SNX8: variants seen among roughly 807,000 people sequenced by gnomAD.
SNX8 encodes the protein sorting nexin 8.
In SNX8, 25 loss-of-function variants were observed where a neutral mutation model predicts 51.6. The ratio of observed to expected loss-of-function variants is 0.48; its 90% CI spans 0.35 to 0.68. The LOEUF (loss-of-function observed/expected upper bound fraction) is 0.68. Ranked by LOEUF, SNX8 falls within the 30% of genes least tolerant of loss-of-function variation. SNX8 has a pLI of 0.00. For missense variants in SNX8, 695 were observed against 624.0 expected (o/e 1.11, Z -1.21); for synonymous variants, 324 against 277.0 (o/e 1.17, Z -1.68).
intron 5 of SNX8, among the ~76,000 whole-genome samples, chr7:2,266,385 C>T (rs890556192): frequency 2.0e-5 from 3 of 150,636 alleles, no homozygotes; most frequent in South Asian, 2.1e-4. Context: ...GTGTCTCTGT[C>T]GTCCAGGCTG....
chr7:2,329,069 G>C (rs1583115856), intron 1 of SNX8, among the ~76,000 whole-genome samples: 1 of 150,060 alleles, frequency 6.7e-6, no homozygotes, highest in South Asian at 2.1e-4. Context: ...CTGGGTGACA[G>C]AGTGAGACTC....
chr7:2,320,066 T>C (rs1331713553), intron 1 of SNX8, among the ~76,000 whole-genome samples: 3 of 152,140 alleles, frequency 2.0e-5, no homozygotes, highest in African/African-American at 4.8e-5. Flanking sequence ...TTTTACATTT[T>C]ACATGTGAGG....
In SNX8 at chr7:2,348,277, C is replaced by T. The variant is rs1199662534; in HGVS notation, c.-66+5945G>A. Among the ~76,000 whole-genome samples the T allele has an allele frequency of 3.3e-5, 5 of 150,636 alleles. No individual in the cohort carries two copies. The East Asian group carries it at 9.7e-4, about 29-fold the overall frequency. The stretch of plus-strand genomic sequence containing the variant: ...AGCTCCCCCTCTAGCCTGCACGCTC[C>T]ACCCAGGAAGGACAAGGCAGAGGCT... On this transcript the variant is annotated intron_variant, in intron 1 of 5. Transcript: ENST00000435336.
intron 1 of SNX8, among the ~76,000 whole-genome samples, chr7:2,308,780 A>ATTT (rs755533735): frequency 8.1e-5 from 11 of 136,044 alleles, no homozygotes; most frequent in South Asian, 4.5e-4. Context: ...AAATGAACAA[A>ATTT]TTTTTTTTTT....
intron 1 of SNX8, among the ~76,000 whole-genome samples, chr7:2,282,405 T>C (rs938570684): frequency 1.3e-5 from 2 of 151,988 alleles, no homozygotes; most frequent in Non-Finnish European, 2.9e-5. Flanking sequence ...CAGGCCCAAG[T>C]CAGCCGCCGG....
At chr7:2,278,633 C>T (rs62442526) in intron 1 of SNX8, among the ~76,000 whole-genome samples, 41,599 of 144,638 alleles carry the variant, frequency 0.29, 6,317 homozygotes, top group East Asian at 0.52. Context: ...ACTCACACTA[C>T]GGAGTCGAAG....
intron 1 of SNX8, among the ~76,000 whole-genome samples, chr7:2,329,142 G>C (rs1021210820): frequency 6.6e-6 from 1 of 150,780 alleles, no homozygotes; most frequent in African/African-American, 2.4e-5. Flanking sequence ...GTGGTGGCAG[G>C]CACCTGTAAT....
At chr7:2,321,285 C>T (rs1778507354) in intron 1 of SNX8, among the ~76,000 whole-genome samples, 1 of 152,174 alleles carries the variant, frequency 6.6e-6, no homozygotes, top group African/African-American at 2.4e-5. Context: ...AGTCTTCATA[C>T]ATCGTCAGCT....
At chr7:2,341,186 G>A (rs1387026413) in intron 1 of SNX8, among the ~76,000 whole-genome samples, 1 of 150,332 alleles carries the variant, frequency 6.7e-6, no homozygotes, top group Non-Finnish European at 1.5e-5. Context: ...AAAAGAAAAG[G>A]AAAGAAAGAA....
chr7:2,255,044 C>T lies in SNX8; in HGVS notation c.*12G>A. On this transcript the variant is annotated 3_prime_UTR_variant, in exon 11 of 11. Coordinates refer to ENST00000222990, the MANE Select transcript of SNX8 (RefSeq NM_013321.4). ...AGTGCGGCCGCAGGGAGCACCACCT[C>T]AGCCTCAGGCGCTAGTGAGGACACA... 1.3e-6 allele frequency: 2 copies of T among 1,530,124 alleles called. No individual in the cohort carries two copies. The highest frequency in any genetic ancestry group is 1.8e-6 in the Non-Finnish European group (2 of 1,126,108). 94.8% of individuals were successfully genotyped at this position (1,530,124 alleles called of 1,614,324 possible). A position where few individuals can be genotyped will look rare whatever the true frequency, so the allele number is the denominator to read the frequency against.
At chr7:2,329,755 A>T (rs1028605743) in intron 1 of SNX8, among the ~76,000 whole-genome samples, 1 of 151,574 alleles carries the variant, frequency 6.6e-6, no homozygotes, top group Non-Finnish European at 1.5e-5. Context: ...TGGCACGGGG[A>T]GGGGTATGGA....
chr7:2,350,739 T>C (rs1779121168), intron 1 of SNX8, among the ~76,000 whole-genome samples: 1 of 152,034 alleles, frequency 6.6e-6, no homozygotes, highest in African/African-American at 2.4e-5. Context: ...CTCTGCCTCC[T>C]GGGCTCAAGT....
intron 1 of SNX8, among the ~76,000 whole-genome samples, chr7:2,351,410 G>A (rs986484153): frequency 3.3e-5 from 5 of 152,130 alleles, no homozygotes; most frequent in African/African-American, 4.8e-5. Context: ...AAGGTAGCCC[G>A]ATGTGGTGGT....
At chr7:2,255,221 C>T (rs1263152814) in intron 10 of SNX8, 52 bp from the exon 11 acceptor site, 2 of 1,184,244 alleles carry the variant, frequency 1.7e-6, no homozygotes, top group Non-Finnish European at 2.4e-6. Flanking sequence ...GGGGCTCCTC[C>T]TCACGCTCTG....
At chr7:2,279,377 C>T (rs1204797968) in intron 1 of SNX8, among the ~76,000 whole-genome samples, 1 of 151,970 alleles carries the variant, frequency 6.6e-6, no homozygotes, top group Non-Finnish European at 1.5e-5. Flanking sequence ...TCACACTACA[C>T]CCACTCATGC....
At chr7:2,302,078 T>TA (rs1197286503) in intron 1 of SNX8, among the ~76,000 whole-genome samples, 2 of 150,758 alleles carry the variant, frequency 1.3e-5, no homozygotes, top group Non-Finnish European at 3.0e-5. Context: ...TCATCTCTAT[T>TA]AAAAAAAAAT....
At chr7:2,283,460 G>A (rs910674579) in intron 1 of SNX8, among the ~76,000 whole-genome samples, 9 of 152,240 alleles carry the variant, frequency 5.9e-5, no homozygotes, top group Admixed American at 3.3e-4. Context: ...GGCCTTCAGG[G>A]CCGGTGCTTT....
chr7:2,254,700 G>A lies in SNX8; in HGVS notation c.*356C>T, dbSNP rs926016822. 1.6e-5 allele frequency: 5 copies of A among 317,662 alleles called. No individual in the cohort carries two copies. The highest frequency in any genetic ancestry group is 9.5e-5 in the Admixed American group (2 of 21,114). The allele number at this position is 317,662 out of a possible 1,614,324, so 19.7% of individuals were successfully genotyped here. A position where few individuals can be genotyped will look rare whatever the true frequency, so the allele number is the denominator to read the frequency against. ...CGAGCACCATGATGCTGCCCCTCCC[G>A]ACTGTTCCAGCACCTGGAGGCCCTG... On this transcript the variant is annotated 3_prime_UTR_variant, in exon 11 of 11. Transcript: ENST00000222990.
At chr7:2,328,680 G>A (rs1270927237) in intron 1 of SNX8, among the ~76,000 whole-genome samples, 3 of 152,076 alleles carry the variant, frequency 2.0e-5, no homozygotes, top group Admixed American at 6.6e-5. Context: ...CGCTGGGCAC[G>A]GTGGCTCACG....
Sources: allele counts gnomAD v4.1 joint callset (sites outside exome capture counted in the v4.1 genomes callset), GRCh38; gene constraint gnomAD v4.1.1; transcripts MANE v1.5; gene names NCBI Gene and HGNC (gene_info 2026-07-23, HGNC 2026-07-21).